Variants in ARHGEF3 observed in about 807,000 individuals in gnomAD.
ARHGEF3 encodes 59.8 kDA protein.
A neutral mutation model predicts 63.2 loss-of-function variants in ARHGEF3; 28 were observed. That is an observed-to-expected ratio of 0.44 (90% CI 0.33 to 0.61). The LOEUF is 0.61. Among genes scored for constraint, ARHGEF3 ranks in the 20% least tolerant of loss-of-function variants. The probability of loss-of-function intolerance (pLI) is 0.03; values close to 1 mark genes in which losing one functional copy is unlikely to be tolerated. For synonymous variants in ARHGEF3, 266 were observed against 254.2 expected, an observed-to-expected ratio of 1.05 and a Z score of -0.44; for missense variants, 533 against 659.3, an observed-to-expected ratio of 0.81 and a Z score of 2.10.
intron 2 of ARHGEF3, among the ~76,000 whole-genome samples, chr3:57,019,422 T>C (rs1703154047): frequency 6.6e-6 from 1 of 151,424 alleles, no homozygotes; most frequent in South Asian, 2.1e-4. Flanking sequence ...GGTGTGTTCC[T>C]AGGGAGGAGA....
At chr3:56,960,171 T>C (rs539316294) in intron 2 of ARHGEF3, among the ~76,000 whole-genome samples, 3 of 152,284 alleles carry the variant, frequency 2.0e-5, no homozygotes, top group Admixed American at 1.3e-4. Flanking sequence ...ATTACAATAA[T>C]AGCAGCAACT....
At chr3:56,822,967 G>A (rs1029715235) in intron 4 of ARHGEF3, among the ~76,000 whole-genome samples, 1 of 152,196 alleles carries the variant, frequency 6.6e-6, no homozygotes, top group South Asian at 2.1e-4. Flanking sequence ...GCACACAGCT[G>A]CTGATAGAAC....
intron 3 of ARHGEF3, among the ~76,000 whole-genome samples, chr3:56,941,527 A>C (rs1034938287): frequency 2.6e-5 from 4 of 152,202 alleles, no homozygotes; most frequent in African/African-American, 9.7e-5. Flanking sequence ...TGTTCAATGA[A>C]ACACCCCGAT....
intron 2 of ARHGEF3, among the ~76,000 whole-genome samples, chr3:56,767,165 C>T (rs138781805): frequency 4.1e-4 from 62 of 150,294 alleles, no homozygotes; most frequent in African/African-American, 1.5e-3. Context: ...AAAAAAAAAT[C>T]AAGTCTTTGA....
chr3:57,001,211 A>G (rs1702178972), intron 2 of ARHGEF3, among the ~76,000 whole-genome samples: 1 of 152,206 alleles, frequency 6.6e-6, no homozygotes, highest in African/African-American at 2.4e-5. Context: ...AAGGGTTGGG[A>G]TTATGGGCAT....
At chr3:56,772,451 A>G in intron 2 of ARHGEF3, among the ~76,000 whole-genome samples, 1 of 152,204 alleles carries the variant, frequency 6.6e-6, no homozygotes, top group East Asian at 1.9e-4. Flanking sequence ...AAGACTCAGA[A>G]AGCAGAGATA....
chr3:56,923,350 A>AT (rs986222818), intron 3 of ARHGEF3, among the ~76,000 whole-genome samples: 22 of 151,228 alleles, frequency 1.5e-4, no homozygotes, highest in African/African-American at 4.6e-4. Flanking sequence ...GTAATAATTT[A>AT]TTTTTTTTCA....
chr3:56,857,972 A>G (rs535294574), intron 4 of ARHGEF3, among the ~76,000 whole-genome samples: 11 of 152,162 alleles, frequency 7.2e-5, no homozygotes, highest in Non-Finnish European at 1.6e-4. Context: ...TTCTTGGTTT[A>G]GCAGCTCATG....
intron 1 of ARHGEF3, among the ~76,000 whole-genome samples, chr3:57,051,223 AC>A (rs1704654638): frequency 6.6e-6 from 1 of 152,166 alleles, no homozygotes; most frequent in Non-Finnish European, 1.5e-5. Flanking sequence ...TTTGCACCAA[AC>A]TTTTTTTATT....
chr3:56,967,863 C>CATATTATATATAATATATAATGGCATATT (rs1553794065), intron 2 of ARHGEF3, among the ~76,000 whole-genome samples: 1 of 71,012 alleles, frequency 1.4e-5, no homozygotes, highest in Non-Finnish European at 2.4e-5. Flanking sequence ...TATATAATGA[C>CATATTATATATAATATATAATGGCATATT]ATATATAATA....
chr3:56,733,669 G>T (rs995195056), intron 8 of ARHGEF3, among the ~76,000 whole-genome samples: 1 of 151,932 alleles, frequency 6.6e-6, no homozygotes, highest in African/African-American at 2.4e-5. Flanking sequence ...GGGGACCAGA[G>T]TATGCTGCCA....
intron 1 of ARHGEF3, among the ~76,000 whole-genome samples, chr3:57,047,209 G>A (rs779529128): frequency 1.3e-5 from 2 of 152,164 alleles, no homozygotes; most frequent in African/African-American, 2.4e-5. Context: ...TTAGCTGGGC[G>A]TGGTAGCATG....
chr3:56,895,714 C>T (rs887173155), intron 3 of ARHGEF3, among the ~76,000 whole-genome samples: 6 of 152,098 alleles, frequency 3.9e-5, no homozygotes, highest in African/African-American at 1.4e-4. Flanking sequence ...CCACCTGCCT[C>T]GGCCTCCCAA....
In ARHGEF3 at chr3:56,988,741, C is replaced by T. The variant is rs375147532; in HGVS notation, c.63-29852G>A. On this transcript the variant is annotated intron_variant, in intron 2 of 12. Coordinates refer to the ARHGEF3 transcript ENST00000338458. The stretch of plus-strand genomic sequence containing the variant: ...CCAGACCATGGAGGTGTGAAGCTCA[C>T]GAGTTTGGCAGGCTGGGCTCATCTG... Among the ~76,000 whole-genome samples the T allele has an allele frequency of 9.2e-5, 14 of 152,180 alleles. No homozygotes were observed. The East Asian group carries it at 1.2e-3, about 13-fold the overall frequency.
At chr3:56,794,232 A>G (rs1294736900) in intron 1 of ARHGEF3, among the ~76,000 whole-genome samples, 1 of 152,172 alleles carries the variant, frequency 6.6e-6, no homozygotes, top group Non-Finnish European at 1.5e-5. Context: ...TCACGCCTGT[A>G]ATCCTATCAC....
chr3:56,847,075 T>C (rs577638098), intron 4 of ARHGEF3, among the ~76,000 whole-genome samples: 1 of 152,308 alleles, frequency 6.6e-6, no homozygotes, highest in East Asian at 1.9e-4. Flanking sequence ...GTGACCTGCC[T>C]AAGGTCACAG....
Position 57,042,675 on chromosome 3 carries a change from TATATATATATATATATATATATA to T in ARHGEF3, c.-27-7522_-27-7500del, listed in dbSNP as rs1394879196. ...AAATATATATATATATATATATATA[TATATATATATATATATATATATA>T]TATTTTTTTTTTTTTTTAGACGGAG... On this transcript the variant is annotated intron_variant, in intron 1 of 12. Transcript: ENST00000338458. Among the ~76,000 whole-genome samples the T allele has an allele frequency of 1.3e-3, 55 of 41,330 alleles. 1 individual carries two copies. The highest frequency in any genetic ancestry group is 2.9e-3 in the South Asian group (3 of 1,052). 27.1% of individuals were successfully genotyped at this position (41,330 alleles called of 152,430 possible).
At chr3:56,961,127 A>T (rs1162510016) in intron 2 of ARHGEF3, among the ~76,000 whole-genome samples, 1 of 149,068 alleles carries the variant, frequency 6.7e-6, no homozygotes, top group African/African-American at 2.4e-5. Context: ...CAATAATCTT[A>T]TAAGGTAGCT....
At chr3:56,873,437 C>A (rs1180537526) in intron 4 of ARHGEF3, among the ~76,000 whole-genome samples, 1 of 152,054 alleles carries the variant, frequency 6.6e-6, no homozygotes, top group Non-Finnish European at 1.5e-5. Flanking sequence ...CTCTATGTGT[C>A]CATGTGTTCT....
Sources: gnomAD v4.1 joint callset for allele counts (sites outside exome capture counted in the v4.1 genomes callset) on GRCh38, gnomAD v4.1.1 for gene constraint, MANE v1.5 for transcripts, NCBI Gene and HGNC (gene_info 2026-07-23, HGNC 2026-07-21) for gene names.